Variants in CDK19 observed in about 807,000 individuals in gnomAD.
CDK19 encodes cyclin-dependent kinase 19.
CDK19 carries 20 observed loss-of-function variants against 68.3 expected under a neutral mutation model. That is an observed-to-expected ratio of 0.29 (90% CI 0.21 to 0.43). The LOEUF is 0.43. Ranked by LOEUF, CDK19 falls within the 20% of genes least tolerant of loss-of-function variation. The pLI, the probability that CDK19 is intolerant of heterozygous loss-of-function variation, is 1.00. For synonymous variants in CDK19, 221 were observed against 222.8 expected, an observed-to-expected ratio of 0.99 and a Z score of 0.07; for missense variants, 339 against 623.5, an observed-to-expected ratio of 0.54 and a Z score of 4.86.
chr6:110,781,442 C>T (rs1221250791), intron 1 of CDK19, among the ~76,000 whole-genome samples: 1 of 152,180 alleles, frequency 6.6e-6, no homozygotes, highest in Non-Finnish European at 1.5e-5. Context: ...CTTCCAACAC[C>T]GGAGATCAAT....
chr6:110,698,768 A>G (rs922089464), intron 2 of CDK19, among the ~76,000 whole-genome samples: 1 of 152,188 alleles, frequency 6.6e-6, no homozygotes, highest in Non-Finnish European at 1.5e-5. Context: ...CTCATTAACC[A>G]ATGAGTGGAT....
chr6:110,633,839 A>C (rs1287398859), intron 5 of CDK19, among the ~76,000 whole-genome samples: 1 of 152,202 alleles, frequency 6.6e-6, no homozygotes, highest in Non-Finnish European at 1.5e-5. Context: ...CAGTTAAATG[A>C]CTTGCCTGTG....
At chr6:110,673,736 G>C (rs1341677142) in intron 2 of CDK19, among the ~76,000 whole-genome samples, 5 of 151,928 alleles carry the variant, frequency 3.3e-5, no homozygotes, top group Non-Finnish European at 5.9e-5. Flanking sequence ...TTTTTTTAAA[G>C]AAAAAAATAA....
At chr6:110,702,419 C>T (rs1298873452) in intron 2 of CDK19, among the ~76,000 whole-genome samples, 1 of 151,028 alleles carries the variant, frequency 6.6e-6, no homozygotes, top group Non-Finnish European at 1.5e-5. Context: ...TGCACTGCAG[C>T]CCGGGCAACA....
intron 1 of CDK19, chr6:110,814,633 G>A (rs766961329): frequency 4.8e-5 from 23 of 479,848 alleles, no homozygotes; most frequent in Non-Finnish European, 9.1e-5. Flanking sequence ...ACCCAGGGCC[G>A]GAGCGGCAAC....
intron 8 of CDK19, among the ~76,000 whole-genome samples, chr6:110,623,789 T>TATATACAC (rs1778880819): frequency 6.8e-6 from 1 of 146,202 alleles, no homozygotes; most frequent in South Asian, 2.1e-4. Flanking sequence ...TATATACACA[T>TATATACAC]ATATACACAC....
intron 1 of CDK19, chr6:110,814,604 T>C (rs535884195): frequency 6.3e-5 from 29 of 463,134 alleles, no homozygotes; most frequent in South Asian, 4.3e-4. Context: ...CGATTGGAAG[T>C]TCCACAACGA....
At chr6:110,810,019 G>A (rs190339291) in intron 1 of CDK19, among the ~76,000 whole-genome samples, 19 of 152,198 alleles carry the variant, frequency 1.2e-4, no homozygotes, top group African/African-American at 4.6e-4. Context: ...AAAAGGGGGA[G>A]GGAAGAATGG....
At chr6:110,669,792 C>T (rs770484167) in intron 3 of CDK19, among the ~76,000 whole-genome samples, 9 of 152,150 alleles carry the variant, frequency 5.9e-5, no homozygotes, top group Non-Finnish European at 1.3e-4. Flanking sequence ...TTCTTTCATA[C>T]GTTGATAAAA....
rs937202134 is a variant in CDK19 at position 110,796,312 on chromosome 6, GGCAACA to G, written c.128+18691_128+18696del. Among the ~76,000 whole-genome samples the G allele has an allele frequency of 2.5e-3, 373 of 152,106 alleles. 2 individuals carry two copies. The highest frequency in any genetic ancestry group is 8.7e-3 in the African/African-American group (360 of 41,480). Reference sequence around the variant, plus strand: ...AGATTGTGCCACTGCACTCCAGCCTGGCAACAGAGTGAGATTCCGTCAAACAAACAA... The same window carrying G: ...AGATTGTGCCACTGCACTCCAGCCTGGAGTGAGATTCCGTCAAACAAACAA... On this transcript the variant is annotated intron_variant, in intron 1 of 12. Transcript: ENST00000368911.
At chr6:110,734,027 T>C (rs1776978678) in intron 2 of CDK19, among the ~76,000 whole-genome samples, 3 of 152,212 alleles carry the variant, frequency 2.0e-5, no homozygotes, top group South Asian at 4.1e-4. Context: ...TTTTTTGTTT[T>C]TGTTTGTTTT....
chr6:110,796,846 A>G (rs1040018264), intron 1 of CDK19, among the ~76,000 whole-genome samples: 5 of 151,286 alleles, frequency 3.3e-5, no homozygotes, highest in African/African-American at 1.2e-4. Context: ...CGTCTCTACG[A>G]AAAATACAAA....
At chr6:110,625,219 T>G (rs1219246963) in intron 8 of CDK19, among the ~76,000 whole-genome samples, 1 of 152,194 alleles carries the variant, frequency 6.6e-6, no homozygotes, top group East Asian at 1.9e-4. Flanking sequence ...TTCTCACCCC[T>G]GATTCTGACT....
At chr6:110,759,403 TTAA>T (rs1779043824) in intron 1 of CDK19, among the ~76,000 whole-genome samples, 1 of 47,484 alleles carries the variant, frequency 2.1e-5, no homozygotes, top group Non-Finnish European at 3.7e-5. Flanking sequence ...AGACTCCGTC[TTAA>T]AAAAAAAAAA....
At chr6:110,627,214 C>T in intron 6 of CDK19, 69 bp from the exon 7 acceptor site, 1 of 1,172,248 alleles carries the variant, frequency 8.5e-7, no homozygotes, top group African/African-American at 1.5e-5. Flanking sequence ...TAATCCCAGC[C>T]TACTTATAAA....
chr6:110,697,264 TAAA>T (rs1233874811), intron 2 of CDK19, among the ~76,000 whole-genome samples: 1 of 151,138 alleles, frequency 6.6e-6, no homozygotes, highest in Non-Finnish European at 1.5e-5. Context: ...TAAATAAAAA[TAAA>T]AAAATAAATT....
At chr6:110,723,316 G>A (rs975433233) in intron 2 of CDK19, among the ~76,000 whole-genome samples, 3 of 152,080 alleles carry the variant, frequency 2.0e-5, no homozygotes, top group Non-Finnish European at 4.4e-5. Context: ...GGAGTCAAGT[G>A]TGTCAATCTC....
intron 1 of CDK19, among the ~76,000 whole-genome samples, chr6:110,783,981 G>A (rs1054345732): frequency 1.3e-5 from 2 of 151,834 alleles, no homozygotes; most frequent in African/African-American, 4.8e-5. Context: ...CCAACATGGT[G>A]AAACCCCATC....
chr6:110,756,011 A>C (rs1778813791), intron 1 of CDK19, among the ~76,000 whole-genome samples: 1 of 152,142 alleles, frequency 6.6e-6, no homozygotes. Flanking sequence ...TGTGATCCCA[A>C]CACTTTGGGA....
Sources: gnomAD v4.1 joint callset for allele counts (sites outside exome capture counted in the v4.1 genomes callset) on GRCh38, gnomAD v4.1.1 for gene constraint, MANE v1.5 for transcripts, NCBI Gene and HGNC (gene_info 2026-07-23, HGNC 2026-07-21) for gene names.